The following DIP2B variants were observed in gnomAD, a reference collection of about 807,000 sequenced individuals.
DIP2B encodes disco-interacting protein 2 homolog B.
DIP2B carries 76 observed loss-of-function variants against 198.0 expected under a neutral mutation model. The ratio of observed to expected loss-of-function variants is 0.38; its 90% CI spans 0.32 to 0.46. The LOEUF (loss-of-function observed/expected upper bound fraction) is 0.46, where lower values mean the gene tolerates loss of function less well. Among genes scored for constraint, DIP2B ranks in the 20% least tolerant of loss-of-function variants. DIP2B has a pLI of 0.99. For missense variants in DIP2B, 1,559 were observed against 1,978.4 expected (o/e 0.79, Z 4.02); for synonymous variants, 701 against 739.1 (o/e 0.95, Z 0.84).
intron 1 of DIP2B, among the ~76,000 whole-genome samples, chr12:50,577,021 A>T (rs1479377117): frequency 6.6e-6 from 1 of 150,666 alleles, no homozygotes; most frequent in South Asian, 2.1e-4. Context: ...TAATTTTTGT[A>T]TTTTTAGTAG....
intron 1 of DIP2B, among the ~76,000 whole-genome samples, chr12:50,513,921 T>C (rs1958040620): frequency 6.6e-6 from 1 of 151,992 alleles, no homozygotes; most frequent in Non-Finnish European, 1.5e-5. Flanking sequence ...CTAGAGTTTA[T>C]TTACCACCAG....
intron 1 of DIP2B, among the ~76,000 whole-genome samples, chr12:50,577,974 A>G (rs140255715): frequency 1.3e-5 from 2 of 152,328 alleles, no homozygotes; most frequent in African/African-American, 4.8e-5. Flanking sequence ...ATATCAGTTA[A>G]CTTTTCATAC....
At chr12:50,510,277 A>G (rs1438283244) in intron 1 of DIP2B, among the ~76,000 whole-genome samples, 1 of 152,252 alleles carries the variant, frequency 6.6e-6, no homozygotes, top group African/African-American at 2.4e-5. Context: ...TGGAAGAATG[A>G]TTCACCTTAT....
intron 2 of DIP2B, among the ~76,000 whole-genome samples, chr12:50,630,977 C>T (rs1348548091): frequency 6.6e-6 from 1 of 151,978 alleles, no homozygotes; most frequent in Admixed American, 6.6e-5. Flanking sequence ...GGCCATCCAC[C>T]ACTTCTTATC....
chr12:50,514,942 G>A (rs533649502), intron 1 of DIP2B, among the ~76,000 whole-genome samples: 3 of 152,018 alleles, frequency 2.0e-5, no homozygotes, highest in East Asian at 1.9e-4. Context: ...ACACGCGTGA[G>A]CCACCATGCC....
intron 1 of DIP2B, among the ~76,000 whole-genome samples, chr12:50,564,698 G>A (rs957198440): frequency 6.6e-6 from 1 of 152,038 alleles, no homozygotes; most frequent in Non-Finnish European, 1.5e-5. Context: ...GAGTGTTTTT[G>A]TAGAGTTTAG....
rs1354437267 is a variant in DIP2B at position 50,678,771 on chromosome 12, C to T, written c.1009C>T (p.Pro337Ser). 8 of 1,614,088 alleles carry T rather than the reference C, an allele frequency of 5.0e-6. No individual in the cohort carries two copies. In the East Asian group the frequency reaches 1.6e-4, roughly 31 times the overall value. The change falls in exon 8 of 38, where the codon CCT (proline) becomes TCT (serine). Residue 337 changes from proline to serine, a missense_variant. Transcript: ENST00000301180. ...EPLGVICNWP[P>S]ALESALQRWG... Reference sequence around the variant, plus strand: ...TTTAGGAGTCATCTGTAACTGGCCTCCTGCTCTTGAATCTGCCCTGCAGCG... The same window carrying T: ...TTTAGGAGTCATCTGTAACTGGCCTTCTGCTCTTGAATCTGCCCTGCAGCG...
Position 50,732,497 on chromosome 12 carries a change from C to G in DIP2B, c.3942C>G (p.Thr1314=). ...DIGLSPRAVS[T]TFGSRVNVAI... ...GGCTGTCCCCGCGGGCTGTCAGCAC[C>G]ACTTTTGGATCAAGAGTCAATGTAG... Residue 1314 remains threonine (T), a synonymous_variant, in exon 32 of 38, where the codon ACC becomes ACG. Transcript: ENST00000301180. 6.2e-7 allele frequency: 1 copy of G among 1,614,224 alleles called. No individual in the cohort carries two copies. The highest frequency in any genetic ancestry group is 8.5e-7 in the Non-Finnish European group (1 of 1,180,050).
chr12:50,509,655 TG>T, intron 1 of DIP2B, among the ~76,000 whole-genome samples: 1 of 146,564 alleles, frequency 6.8e-6, no homozygotes, highest in Non-Finnish European at 1.5e-5. Flanking sequence ...TGACTTTTAA[TG>T]GGGAAGAGGT....
At chr12:50,648,584 C>T (rs746419172) in intron 3 of DIP2B, among the ~76,000 whole-genome samples, 50 of 151,572 alleles carry the variant, frequency 3.3e-4, no homozygotes, top group South Asian at 1.0e-3. Flanking sequence ...AGGATGGTCT[C>T]GATCTCCTGG....
At chr12:50,559,311 G>A (rs4768851) in intron 1 of DIP2B, among the ~76,000 whole-genome samples, 36,139 of 115,368 alleles carry the variant, frequency 0.31, 5,264 homozygotes, top group East Asian at 0.54. Flanking sequence ...GTAATTATTT[G>A]TCTTTTTTTT....
intron 1 of DIP2B, among the ~76,000 whole-genome samples, chr12:50,564,117 C>G (rs1958543655): frequency 1.4e-5 from 2 of 141,834 alleles, no homozygotes; most frequent in Non-Finnish European, 3.2e-5. Context: ...GTGCTGGGTT[C>G]TTGCGTGTGT....
chr12:50,570,141 A>G (rs1436169639), intron 1 of DIP2B, among the ~76,000 whole-genome samples: 1 of 152,170 alleles, frequency 6.6e-6, no homozygotes, highest in Non-Finnish European at 1.5e-5. Flanking sequence ...CCGTGCCCTG[A>G]TTTAAAATGA....
At chr12:50,733,275 A>G (rs1171318132) in intron 32 of DIP2B, among the ~76,000 whole-genome samples, 2 of 147,930 alleles carry the variant, frequency 1.4e-5, no homozygotes, top group African/African-American at 2.5e-5. Context: ...TTTTTTTCCA[A>G]ACAATAACCT....
intron 37 of DIP2B, among the ~76,000 whole-genome samples, chr12:50,742,412 A>AAAAAC (rs1940264731): frequency 6.8e-6 from 1 of 146,554 alleles, no homozygotes; most frequent in African/African-American, 2.5e-5. Flanking sequence ...AAAAAAAAAA[A>AAAAAC]AAAAAAAAAA....
intron 19 of DIP2B, among the ~76,000 whole-genome samples, chr12:50,702,853 A>G (rs2139563440): frequency 6.6e-6 from 1 of 152,220 alleles, no homozygotes; most frequent in African/African-American, 2.4e-5. Context: ...CAAACGAAGG[A>G]AAAGAAATTC....
intron 1 of DIP2B, among the ~76,000 whole-genome samples, chr12:50,537,092 AT>A (rs1293735167): frequency 1.3e-5 from 1 of 78,234 alleles, no homozygotes; most frequent in African/African-American, 5.2e-5. Flanking sequence ...CACTTACCAG[AT>A]TGCTTGTTTA....
Position 50,695,927 on chromosome 12 carries a change from T to G in DIP2B, c.1893T>G (p.Ser631Arg). The change falls in exon 16 of 38, where the codon AGT becomes AGG. Residue 631 changes from serine (S) to arginine (R), a missense_variant. Transcript: ENST00000301180. ...GGGACCAAAGAGACGTGAGCTTGAG[T>G]TCCCTCCGAATGTTAATTGTGACTG... is the stretch of plus-strand genomic sequence containing the variant. ...AHRDQRDVSL[S>R]SLRMLIVTDG... The G allele has an allele frequency of 6.2e-7, 1 of 1,614,028 alleles. No homozygotes were observed. Among genetic ancestry groups the G allele is most frequent in the Non-Finnish European group, 8.5e-7 (1 of 1,179,938 alleles).
chr12:50,711,418 C>A (rs1939612288), intron 22 of DIP2B, among the ~76,000 whole-genome samples: 3 of 152,164 alleles, frequency 2.0e-5, no homozygotes, highest in Admixed American at 6.5e-5. Context: ...TGCTAACTTT[C>A]TGTGTATTCT....
Sources: gnomAD v4.1 joint callset for allele counts (sites outside exome capture counted in the v4.1 genomes callset) on GRCh38, gnomAD v4.1.1 for gene constraint, MANE v1.5 for transcripts, NCBI Gene and HGNC (gene_info 2026-07-23, HGNC 2026-07-21) for gene names.